AGBL1: variants seen among roughly 807,000 people sequenced by gnomAD.
AGBL1 encodes cytosolic carboxypeptidase 4.
A neutral mutation model predicts 118.9 loss-of-function variants in AGBL1; 130 were observed. The observed-to-expected ratio is 1.09, with a 90% CI of 0.95 to 1.26. The LOEUF is 1.26. Among genes scored for constraint, AGBL1 ranks in the 50% most tolerant of loss-of-function variants. The pLI is 0.00. For missense variants in AGBL1, 1,584 were observed against 1,298.1 expected, an observed-to-expected ratio of 1.22 and a Z score of -3.38; for synonymous variants, 555 against 478.9, an observed-to-expected ratio of 1.16 and a Z score of -2.08.
chr15:86,292,351 T>G (rs1282909646), intron 16 of AGBL1, among the ~76,000 whole-genome samples: 1 of 152,096 alleles, frequency 6.6e-6, no homozygotes, highest in Non-Finnish European at 1.5e-5. Context: ...AGTGAAGGAA[T>G]GCAGGTGACC....
At chr15:86,769,004 G>A (rs554114904) in intron 22 of AGBL1, among the ~76,000 whole-genome samples, 2 of 151,904 alleles carry the variant, frequency 1.3e-5, no homozygotes, top group African/African-American at 4.8e-5. Context: ...TAGAGACAAA[G>A]ACAGTTTATT....
intron 23 of AGBL1, among the ~76,000 whole-genome samples, chr15:86,968,686 C>A (rs998608646): frequency 6.6e-6 from 1 of 151,902 alleles, no homozygotes; most frequent in Admixed American, 6.6e-5. Flanking sequence ...ATAATGGATT[C>A]AATATCTCTG....
At position 86,636,737 on chromosome 15, in the gene AGBL1, A is replaced by G. The variant is rs1163350357; in HGVS notation, c.2995-37536A>G. Among the ~76,000 whole-genome samples, 15 of 55,740 alleles carry G rather than the reference A, an allele frequency of 2.7e-4. 2 individuals are homozygous for G. Among genetic ancestry groups the G allele is most frequent in the Non-Finnish European group, 4.0e-4 (13 of 32,518 alleles). 36.6% of individuals were successfully genotyped at this position (55,740 alleles called of 152,430 possible). The stretch of plus-strand genomic sequence containing the variant: ...TATATATATATATATATATATATAT[A>G]TATATATATATATATATATATACAC... On this transcript the variant is annotated intron_variant, in intron 21 of 22. Transcript: ENST00000614907.
intron 17 of AGBL1, among the ~76,000 whole-genome samples, chr15:86,371,807 C>T (rs534542961): frequency 8.5e-5 from 13 of 152,290 alleles, no homozygotes; most frequent in African/African-American, 2.9e-4. Context: ...AACGCTGCCT[C>T]TTTCCACCCT....
intron 17 of AGBL1, among the ~76,000 whole-genome samples, chr15:86,391,408 C>A (rs1025514211): frequency 1.3e-5 from 2 of 151,840 alleles, no homozygotes; most frequent in Non-Finnish European, 2.9e-5. Context: ...CAGAATCTTT[C>A]CACTTCCTTT....
At position 86,505,553 on chromosome 15, in the gene AGBL1, T is replaced by C. The variant is rs118186539; in HGVS notation, c.2556-17257T>C. ...GCGCAAAACTTCTGTTGAGGATCTG[T>C]AGTGATTTGTAAATTTCAGGTATTG... On this transcript the variant is annotated intron_variant, in intron 18 of 22. Transcript: ENST00000614907. Among the ~76,000 whole-genome samples, 1,266 of 152,082 alleles carry C rather than the reference T, an allele frequency of 8.3e-3. 6 individuals carry two copies. The highest frequency in any genetic ancestry group is 0.012 in the Non-Finnish European group (847 of 67,920).
At chr15:86,371,999 C>A (rs2080978138) in intron 17 of AGBL1, among the ~76,000 whole-genome samples, 1 of 152,170 alleles carries the variant, frequency 6.6e-6, no homozygotes, top group South Asian at 2.1e-4. Flanking sequence ...TCTTATGCTC[C>A]TTTGCCTCCC....
At chr15:86,167,898 T>G (rs188012515) in intron 5 of AGBL1, among the ~76,000 whole-genome samples, 1 of 152,348 alleles carries the variant, frequency 6.6e-6, no homozygotes, top group African/African-American at 2.4e-5. Flanking sequence ...ATTAGTCATC[T>G]TCAACAAAGC....
intron 22 of AGBL1, among the ~76,000 whole-genome samples, chr15:86,877,555 G>A (rs2079827645): frequency 1.3e-5 from 2 of 152,112 alleles, no homozygotes; most frequent in Non-Finnish European, 2.9e-5. Flanking sequence ...ATAAGTAGAA[G>A]GTAATGAAGC....
intron 5 of AGBL1, among the ~76,000 whole-genome samples, chr15:86,203,725 C>T (rs568493235): frequency 6.6e-6 from 1 of 152,280 alleles, no homozygotes; most frequent in South Asian, 2.1e-4. Flanking sequence ...GTGACTTCCC[C>T]TTGCCATTAC....
intron 5 of AGBL1, among the ~76,000 whole-genome samples, chr15:86,223,501 A>G (rs1013668200): frequency 4.6e-5 from 7 of 152,174 alleles, no homozygotes; most frequent in Non-Finnish European, 8.8e-5. Flanking sequence ...AACACCTTCC[A>G]TGTGTTCCGT....
chr15:86,153,359 C>T (rs1684406647), intron 3 of AGBL1, among the ~76,000 whole-genome samples: 3 of 152,104 alleles, frequency 2.0e-5, no homozygotes, highest in Non-Finnish European at 2.9e-5. Flanking sequence ...ATTTCCTTTG[C>T]AGGGACATGG....
intron 1 of AGBL1, among the ~76,000 whole-genome samples, chr15:86,133,133 C>T (rs1213355372): frequency 1.3e-5 from 2 of 152,116 alleles, no homozygotes; most frequent in African/African-American, 4.8e-5. Flanking sequence ...GGAAATTAGC[C>T]TAAAGTTGAT....
intron 24 of AGBL1, chr15:87,028,742 G>C: frequency 7.6e-7 from 1 of 1,317,726 alleles, no homozygotes; most frequent in Non-Finnish European, 1.1e-6. Flanking sequence ...TCTCTAAAAG[G>C]TCAATTTGCC....
chr15:87,023,493 T>C (rs2701435), intron 24 of AGBL1, among the ~76,000 whole-genome samples: 23,123 of 152,002 alleles, frequency 0.15, 2,371 homozygotes, highest in African/African-American at 0.29. Context: ...CAATTACTAA[T>C]AGACCTAAGA....
intron 21 of AGBL1, among the ~76,000 whole-genome samples, chr15:86,658,058 CAT>C (rs929055206): frequency 6.6e-6 from 1 of 151,358 alleles, no homozygotes; most frequent in African/African-American, 2.4e-5. Context: ...ATTGTATATG[CAT>C]ATATATATGT....
chr15:86,455,017 C>T (rs1222349568), intron 18 of AGBL1, among the ~76,000 whole-genome samples: 1 of 152,156 alleles, frequency 6.6e-6, no homozygotes, highest in Admixed American at 6.5e-5. Flanking sequence ...TAAGACACTG[C>T]TGACCATTTA....
chr15:86,223,528 T>C (rs1566092), intron 5 of AGBL1, among the ~76,000 whole-genome samples: 56,754 of 152,106 alleles, frequency 0.37, 11,749 homozygotes, highest in African/African-American at 0.56. Flanking sequence ...TCCACTGTTG[T>C]GAAAACTCTG....
At chr15:86,667,761 G>T (rs1160119367) in intron 21 of AGBL1, among the ~76,000 whole-genome samples, 1 of 152,034 alleles carries the variant, frequency 6.6e-6, no homozygotes, top group Non-Finnish European at 1.5e-5. Flanking sequence ...ATTCCAAATG[G>T]AAGCATATCA....
Sources: gnomAD v4.1 joint callset for allele counts (sites outside exome capture counted in the v4.1 genomes callset) on GRCh38, gnomAD v4.1.1 for gene constraint, MANE v1.5 for transcripts, NCBI Gene and HGNC (gene_info 2026-07-23, HGNC 2026-07-21) for gene names.